SGCB: variants seen among roughly 807,000 people sequenced by gnomAD.
SGCB encodes the protein sarcoglycan beta.
SGCB carries 25 observed loss-of-function variants against 27.3 expected under a neutral mutation model. The ratio of observed to expected loss-of-function variants is 0.92; its 90% CI spans 0.67 to 1.28. The LOEUF (loss-of-function observed/expected upper bound fraction) is 1.28. Among genes scored for constraint, SGCB ranks in the 50% most tolerant of loss-of-function variants. SGCB has a pLI of 0.00. For synonymous variants in SGCB, 147 were observed against 133.5 expected, an observed-to-expected ratio of 1.10 and a Z score of -0.70; for missense variants, 436 against 402.1, an observed-to-expected ratio of 1.08 and a Z score of -0.72.
At position 52,028,719 on chromosome 4, in the gene SGCB, A is replaced by C; in HGVS notation, c.621+11T>G. 6.3e-7 allele frequency: 1 copy of C among 1,592,594 alleles called. No homozygotes were observed. The highest frequency in any genetic ancestry group is 1.3e-5 in the African/African-American group (1 of 74,634). On this transcript the variant is annotated intron_variant, in intron 4 of 5. Coordinates refer to ENST00000381431, the MANE Select transcript of SGCB (RefSeq NM_000232.5). Reference sequence around the variant, plus strand: ...CTCTCCCATTAGTAAAACAAAGCCAATAAATCATACCCTTTCAGTAGATGC... The same window carrying C: ...CTCTCCCATTAGTAAAACAAAGCCACTAAATCATACCCTTTCAGTAGATGC...
At chr4:52,024,683 C>T (rs1737041189) in intron 5 of SGCB, among the ~76,000 whole-genome samples, 1 of 151,856 alleles carries the variant, frequency 6.6e-6, no homozygotes, top group East Asian at 1.9e-4. Flanking sequence ...AAAAACTTAG[C>T]GGGACGTGGT....
chr4:52,027,816 A>G, intron 5 of SGCB, 152 bp downstream of exon 5: 4 of 697,468 alleles, frequency 5.7e-6, no homozygotes. Context: ...ATTGTTTTGT[A>G]ACTTTCTTTT....
At chr4:52,025,505 T>C (rs1437897077) in intron 5 of SGCB, among the ~76,000 whole-genome samples, 2 of 152,116 alleles carry the variant, frequency 1.3e-5, no homozygotes, top group Admixed American at 1.3e-4. Context: ...ATGAGGCCAG[T>C]GTGGAAGAAG....
chr4:52,028,135 C>T lies in SGCB; in HGVS notation c.622-36G>A, dbSNP rs760853464. ...AAAAAACAAGTACTAAAAAGAGTTTCTAAATTAATGTGAGAATTGTTATCA... is the reference window on the plus strand; with the variant it reads ...AAAAAACAAGTACTAAAAAGAGTTTTTAAATTAATGTGAGAATTGTTATCA... On this transcript the variant is annotated intron_variant, in intron 4 of 5. Transcript: ENST00000381431. 5.1e-5 allele frequency: 77 copies of T among 1,523,780 alleles called. No individual in the cohort carries two copies. The East Asian group carries it at 1.6e-3, about 32-fold the overall frequency. The allele number at this position is 1,523,780 out of a possible 1,614,324, so 94.4% of individuals were successfully genotyped here.
At chr4:52,028,667 C>T (rs1737171385) in intron 4 of SGCB, 63 bp downstream of exon 4, 1 of 1,261,708 alleles carries the variant, frequency 7.9e-7, no homozygotes, top group African/African-American at 1.5e-5. Flanking sequence ...TAACTCTCTT[C>T]CCACTTTATA....
rs1384400878 is a variant in SGCB at position 52,021,534 on chromosome 4, G to C, written c.*2423C>G. On this transcript the variant is annotated 3_prime_UTR_variant, in exon 6 of 6. Transcript: ENST00000381431. Reference sequence around the variant, plus strand: ...TAGCCGGGAACTGTGGCACATGCCTGTAGTCCCAGGTACTCGGGAGGCTGA... The same window carrying C: ...TAGCCGGGAACTGTGGCACATGCCTCTAGTCCCAGGTACTCGGGAGGCTGA... The C allele has an allele frequency of 2.0e-5, 3 of 152,626 alleles. No individual in the cohort carries two copies. Among genetic ancestry groups the C allele is most frequent in the Non-Finnish European group, 4.4e-5 (3 of 68,394 alleles). The allele number at this position is 152,626 out of a possible 1,614,324, so 9.5% of individuals were successfully genotyped here. A position where few individuals can be genotyped will look rare whatever the true frequency, so the allele number is the denominator to read the frequency against.
intron 2 of SGCB, among the ~76,000 whole-genome samples, chr4:52,031,211 T>C (rs1448029447): frequency 1.3e-5 from 2 of 152,056 alleles, no homozygotes; most frequent in Admixed American, 6.6e-5. Context: ...TTTGATCATT[T>C]CCCCCCCAGT....
chr4:52,022,918 A>G lies in SGCB; in HGVS notation c.*1039T>C, dbSNP rs915762085. The stretch of plus-strand genomic sequence containing the variant: ...GTGATTGGTCCTTTCTGGGTCTGAC[A>G]TGAGATTTATTTTCTTTTTAACTAG... On this transcript the variant is annotated 3_prime_UTR_variant, in exon 6 of 6. Coordinates refer to ENST00000381431, the MANE Select transcript of SGCB (RefSeq NM_000232.5). The G allele has an allele frequency of 1.3e-5, 2 of 152,200 alleles. No individual in the cohort carries two copies. Among genetic ancestry groups the G allele is most frequent in the Non-Finnish European group, 2.9e-5 (2 of 68,034 alleles). 9.4% of individuals were successfully genotyped at this position (152,200 alleles called of 1,614,324 possible).
At chr4:52,024,245 A>C in intron 5 of SGCB, 85 bp from the exon 6 acceptor site, 5 of 1,032,080 alleles carry the variant, frequency 4.8e-6, no homozygotes, top group African/African-American at 1.6e-5. Context: ...CTGAAATATC[A>C]ATGAGAAAAG....
At chr4:52,027,642 A>AG (rs79290275) in intron 5 of SGCB, among the ~76,000 whole-genome samples, 3 of 151,152 alleles carry the variant, frequency 2.0e-5, no homozygotes, top group East Asian at 1.9e-4. Context: ...CAAAAAAAAA[A>AG]AGAGAGAAAG....
At chr4:52,024,915 G>C (rs1737049170) in intron 5 of SGCB, among the ~76,000 whole-genome samples, 3 of 148,716 alleles carry the variant, frequency 2.0e-5, no homozygotes, top group Admixed American at 1.3e-4. Flanking sequence ...CACTGCAAAT[G>C]AAGATTCAAA....
chr4:52,029,893 A>G (rs977851068), intron 2 of SGCB, 30 bp from the exon 3 acceptor site: 3 of 1,514,438 alleles, frequency 2.0e-6, no homozygotes, highest in African/African-American at 1.4e-5. Context: ...CACTGTTGGT[A>G]GGCCGCATAC....
chr4:52,026,561 T>C (rs1168210953), intron 5 of SGCB, among the ~76,000 whole-genome samples: 1 of 152,014 alleles, frequency 6.6e-6, no homozygotes, highest in African/African-American at 2.4e-5. Flanking sequence ...CCGGCCTAAA[T>C]TGCTTCTTAA....
At chr4:52,033,284 A>C in intron 2 of SGCB, 147 bp downstream of exon 2, 1 of 648,740 alleles carries the variant, frequency 1.5e-6, no homozygotes, top group Non-Finnish European at 2.7e-6. Flanking sequence ...ATATTAGCAC[A>C]CTAGTTTTTT....
chr4:52,035,903 T>C (rs1273271597), intron 1 of SGCB, among the ~76,000 whole-genome samples: 4 of 152,210 alleles, frequency 2.6e-5, no homozygotes, highest in Non-Finnish European at 1.5e-5. Flanking sequence ...ACGTAGTCTT[T>C]ACTCTTCTCT....
At position 52,023,630 on chromosome 4, in the gene SGCB, A is replaced by C. The variant is rs978111972; in HGVS notation, c.*327T>G. 1 of 307,110 alleles carries C rather than the reference A, an allele frequency of 3.3e-6. No individual in the cohort carries two copies. Among genetic ancestry groups the C allele is most frequent in the Non-Finnish European group, 6.3e-6 (1 of 159,296 alleles). The allele number at this position is 307,110 out of a possible 1,614,324, so 19.0% of individuals were successfully genotyped here. On this transcript the variant is annotated 3_prime_UTR_variant, in exon 6 of 6. Transcript: ENST00000381431. Reference sequence around the variant, plus strand: ...GAGTTACCAAAGTTTACTTACAGTGAATCTAAACAGCTGCTTCAGACCTTT... The same window carrying C: ...GAGTTACCAAAGTTTACTTACAGTGCATCTAAACAGCTGCTTCAGACCTTT...
At position 52,038,252 on chromosome 4, in the gene SGCB, G is replaced by C; in HGVS notation, c.8C>G (p.Ala3Gly). The C allele has an allele frequency of 1.5e-6, 2 of 1,296,838 alleles. No individual in the cohort carries two copies. Among genetic ancestry groups the C allele is most frequent in the Non-Finnish European group, 2.0e-6 (2 of 1,019,214 alleles). The allele number at this position is 1,296,838 out of a possible 1,614,324, so 80.3% of individuals were successfully genotyped here. A position where few individuals can be genotyped will look rare whatever the true frequency, so the allele number is the denominator to read the frequency against. Residue 3 changes from alanine to glycine, a missense_variant, in exon 1 of 6, where the codon GCA becomes GGA. Physicochemically the swap from Ala to Gly is moderately conservative, Grantham distance 60 (BLOSUM62 0). Coordinates refer to ENST00000381431, the MANE Select transcript of SGCB (RefSeq NM_000232.5). MA[A>G]AAAAAAEQQS... ...CTGTTCTGCAGCCGCCGCCGCCGCT[G>C]CCGCCATCTTCCCGCGCCCGCCGCC...
intron 2 of SGCB, among the ~76,000 whole-genome samples, chr4:52,032,166 G>A (rs1297673646): frequency 2.0e-5 from 3 of 152,140 alleles, no homozygotes; most frequent in African/African-American, 4.8e-5. Flanking sequence ...GAAGGGAGAG[G>A]AGGCCTAGGG....
chr4:52,029,609 T>A, intron 3 of SGCB, 69 bp downstream of exon 3: 1 of 1,013,180 alleles, frequency 9.9e-7, no homozygotes, highest in Non-Finnish European at 1.6e-6. Flanking sequence ...TCAACTAGGT[T>A]TTTGCAAAGT....
Sources: allele counts gnomAD v4.1 joint callset (sites outside exome capture counted in the v4.1 genomes callset), GRCh38; gene constraint gnomAD v4.1.1; transcripts MANE v1.5; gene names NCBI Gene and HGNC (gene_info 2026-07-23, HGNC 2026-07-21).